The following EHMT1 variants were observed in gnomAD, a reference collection of about 807,000 sequenced individuals.
EHMT1 encodes the protein euchromatic histone lysine methyltransferase 1, also known as histone-lysine N-methyltransferase EHMT1.
EHMT1 carries 15 observed loss-of-function variants against 147.2 expected under a neutral mutation model. The observed-to-expected ratio is 0.10, with a 90% CI of 0.07 to 0.16. The LOEUF (loss-of-function observed/expected upper bound fraction) is 0.16, where lower values mean the gene tolerates loss of function less well. Among genes scored for constraint, EHMT1 ranks in the 10% least tolerant of loss-of-function variants. EHMT1 has a pLI of 1.00. For missense variants in EHMT1, 1,587 were observed against 1,772.4 expected, an observed-to-expected ratio of 0.90 and a Z score of 1.88; for synonymous variants, 795 against 709.6, an observed-to-expected ratio of 1.12 and a Z score of -1.91.
intron 10 of EHMT1, among the ~76,000 whole-genome samples, chr9:137,765,066 C>T (rs10867064): frequency 2.6e-5 from 4 of 152,092 alleles, no homozygotes; most frequent in African/African-American, 4.8e-5. Context: ...TGGGTTTCTG[C>T]GGCGGCCGCC....
chr9:137,805,092 GTCTGCATGTGTGAGTCAGTCA>G (rs11275048), intron 18 of EHMT1, among the ~76,000 whole-genome samples: 21,442 of 151,636 alleles, frequency 0.14, 4,929 homozygotes, highest in African/African-American at 0.48. Flanking sequence ...ACATGTGAGA[GTCTGCATGTGTGAGTCAGTCA>G]TCTGCATGTG....
intron 17 of EHMT1, among the ~76,000 whole-genome samples, chr9:137,799,426 G>A (rs569332040): frequency 3.3e-5 from 5 of 152,284 alleles, no homozygotes; most frequent in Admixed American, 1.3e-4. Context: ...CACAGCCAGC[G>A]CCACGGGGCA....
At chr9:137,821,507 AT>A (rs576513659) in intron 25 of EHMT1, among the ~76,000 whole-genome samples, 1 of 150,926 alleles carries the variant, frequency 6.6e-6, no homozygotes, top group East Asian at 2.0e-4. Context: ...TTTTTATTTT[AT>A]TTTTATAGAG....
At chr9:137,771,280 GCCT>G (rs1950567967) in intron 10 of EHMT1, among the ~76,000 whole-genome samples, 2 of 145,946 alleles carry the variant, frequency 1.4e-5, no homozygotes, top group Non-Finnish European at 3.0e-5. Context: ...GCTCACTGCA[GCCT>G]CCTCCTCCTG....
intron 1 of EHMT1, among the ~76,000 whole-genome samples, chr9:137,628,756 A>T (rs185013508): frequency 6.6e-6 from 1 of 152,312 alleles, no homozygotes; most frequent in East Asian, 1.9e-4. Flanking sequence ...CCTCAGCTCT[A>T]ATGTCGAAAA....
chr9:137,784,579 C>A (rs928318183), intron 15 of EHMT1: 1 of 373,704 alleles, frequency 2.7e-6, no homozygotes, highest in Non-Finnish European at 3.7e-6. Flanking sequence ...TAGTTACAAA[C>A]TTTCCAGTTT....
intron 10 of EHMT1, among the ~76,000 whole-genome samples, chr9:137,765,746 A>T (rs553372973): frequency 7.0e-6 from 1 of 143,648 alleles, no homozygotes; most frequent in East Asian, 2.1e-4. Context: ...CCCGACTCCC[A>T]CAACGCCCAC....
At chr9:137,643,121 G>T (rs1844614449) in intron 1 of EHMT1, among the ~76,000 whole-genome samples, 1 of 151,894 alleles carries the variant, frequency 6.6e-6, no homozygotes, top group African/African-American at 2.4e-5. Context: ...GGTCTTAGAA[G>T]ATCCCTCCTA....
chr9:137,813,059 C>T lies in EHMT1; in HGVS notation c.2921C>T (p.Thr974Met), dbSNP rs371580823. 46 of 1,613,824 alleles carry T rather than the reference C, an allele frequency of 2.9e-5. No individual in the cohort carries two copies. The highest frequency in any genetic ancestry group is 3.6e-5 in the Non-Finnish European group (43 of 1,180,042). ...DVTLKNKEGETPLQCASLNSQ... is the reference protein window; with the variant it reads ...DVTLKNKEGEMPLQCASLNSQ... ...ACCTTAAAGAACAAGGAAGGAGAGA[C>T]GCCCCTGCAGTGTGCGAGCCTCAAC... Residue 974 changes from threonine (T) to methionine (M), a missense_variant, in exon 20 of 27, where the codon ACG (threonine) becomes ATG (methionine). Physicochemically the swap from Thr to Met is moderately conservative, Grantham distance 81 (BLOSUM62 -1). Around this residue, in one of 7 missense-constraint regions of EHMT1, gnomAD observed 201 missense variants for 350.1 expected, o/e 0.57. Transcript: ENST00000460843. The surrounding 1 kb of genome is among the most constrained non-coding windows in gnomAD (Gnocchi z 4.9).
chr9:137,711,164 T>A, intron 2 of EHMT1, 134 bp downstream of exon 2: 2 of 837,642 alleles, frequency 2.4e-6, no homozygotes, highest in Non-Finnish European at 3.6e-6. Context: ...TAGTTTCTAA[T>A]CTATCCCATT....
chr9:137,790,978 C>A lies in EHMT1; in HGVS notation c.2505+8C>A. ...GCCCTGGTGGATCCCAAGGTATGTT[C>A]CCCTGTCAGAATCAACGTCCTAGTG... On this transcript the variant is annotated splice_region_variant and intron_variant, in intron 16 of 26. Coordinates refer to ENST00000460843, the MANE Select transcript of EHMT1 (RefSeq NM_024757.5). The A allele has an allele frequency of 6.2e-7, 1 of 1,614,168 alleles. No homozygotes were observed. Among genetic ancestry groups the A allele is most frequent in the Non-Finnish European group, 8.5e-7 (1 of 1,180,028 alleles).
At chr9:137,748,663 C>T (rs1195810778) in intron 6 of EHMT1, among the ~76,000 whole-genome samples, 4 of 152,212 alleles carry the variant, frequency 2.6e-5, no homozygotes, top group Admixed American at 6.5e-5. Context: ...AGTGGCATTA[C>T]GTTTTCAGTT....
intron 1 of EHMT1, among the ~76,000 whole-genome samples, chr9:137,669,066 T>C (rs1187855752): frequency 6.6e-6 from 1 of 152,152 alleles, no homozygotes; most frequent in East Asian, 1.9e-4. Context: ...TTTCTATTTT[T>C]AGTACAGACG....
At chr9:137,785,921 A>G (rs747460832) in intron 15 of EHMT1, 2 of 152,238 alleles carry the variant, frequency 1.3e-5, no homozygotes, top group Non-Finnish European at 2.9e-5. Context: ...TTTAACCTTT[A>G]TGCTAACTGA....
intron 3 of EHMT1, among the ~76,000 whole-genome samples, chr9:137,726,483 G>A (rs1946640512): frequency 6.6e-6 from 1 of 152,184 alleles, no homozygotes; most frequent in African/African-American, 2.4e-5. Flanking sequence ...ACACGTCACT[G>A]CGTTTTGCAC....
chr9:137,748,679 T>C (rs1284287370), intron 6 of EHMT1, among the ~76,000 whole-genome samples: 1 of 152,248 alleles, frequency 6.6e-6, no homozygotes, highest in Non-Finnish European at 1.5e-5. Flanking sequence ...CAGTTTAATT[T>C]GCATTTTCAT....
rs1225223969 is a variant in EHMT1, at chr9:137,731,887, A to G, written c.823+3358A>G. Among the ~76,000 whole-genome samples, 1 of 152,210 alleles carries G rather than the reference A, an allele frequency of 6.6e-6. No individual in the cohort carries two copies. The highest frequency in any genetic ancestry group is 1.5e-5 in the Non-Finnish European group (1 of 68,024). Reference sequence around the variant, plus strand: ...GCAGCTCCAGGCTCTGGCTCTGTGCAGAGCTGTGGCTGGATGAGGCATACC... The same window carrying G: ...GCAGCTCCAGGCTCTGGCTCTGTGCGGAGCTGTGGCTGGATGAGGCATACC... On this transcript the variant is annotated intron_variant, in intron 4 of 26. Transcript: ENST00000460843. This position sits in a 1 kb window ranked among gnomAD's most constrained non-coding sequence, Gnocchi z 4.3.
rs886063737 is a variant in EHMT1 at position 137,813,020 on chromosome 9, G to A, written c.2882G>A (p.Arg961Gln). The A allele has an allele frequency of 1.9e-6, 3 of 1,613,700 alleles. No homozygotes were observed. Among genetic ancestry groups the A allele is most frequent in the Admixed American group, 1.7e-5 (1 of 59,988 alleles). Reference protein sequence around the residue: ...RYDCVVLFLSRDSDVTLKNKE... With the variant: ...RYDCVVLFLSQDSDVTLKNKE... ...TTCCCTTTTAGCCTCTTTCTTTCTC[G>A]GGATTCAGATGTCACCTTAAAGAAC... Residue 961 changes from arginine (R) to glutamine (Q), a missense_variant, in exon 20 of 27, where the codon CGG (arginine) becomes CAG (glutamine). This residue lies in a region of EHMT1 where 201 missense variants were observed against 350.1 expected (regional missense o/e 0.57). Transcript: ENST00000460843. This position sits in a 1 kb window ranked among gnomAD's most constrained non-coding sequence, Gnocchi z 4.9.
At chr9:137,665,284 A>G (rs1415711088) in intron 1 of EHMT1, among the ~76,000 whole-genome samples, 1 of 152,216 alleles carries the variant, frequency 6.6e-6, no homozygotes, top group Non-Finnish European at 1.5e-5. Context: ...GCATAGGTGT[A>G]TAAGGGCCTC....
Sources: gnomAD v4.1 joint callset for allele counts (sites outside exome capture counted in the v4.1 genomes callset) on GRCh38, gnomAD v4.1.1 for gene constraint, gnomAD v4.1.1 regional missense constraint, Gnocchi (gnomAD v3.1) non-coding constraint, MANE v1.5 for transcripts, NCBI Gene and HGNC (gene_info 2026-07-23, HGNC 2026-07-21) for gene names.